The following KIF21B variants were observed in gnomAD, a reference collection of about 807,000 sequenced individuals.
The protein encoded by KIF21B is kinesin-like protein KIF21B.
Under a neutral mutation model 192.9 loss-of-function variants are expected in KIF21B, and 85 were observed. The observed-to-expected ratio is 0.44, with a 90% CI of 0.37 to 0.53. The LOEUF (loss-of-function observed/expected upper bound fraction) is 0.53, where lower values mean the gene tolerates loss of function less well. KIF21B is among the 20% of genes least tolerant of loss of function. KIF21B has a pLI of 0.00. For missense variants in KIF21B, 1,716 were observed against 2,194.8 expected, an observed-to-expected ratio of 0.78 and a Z score of 4.36; for synonymous variants, 832 against 884.6, an observed-to-expected ratio of 0.94 and a Z score of 1.05.
At position 200,982,170 on chromosome 1, in the gene KIF21B, C is replaced by T. The variant is rs1655973328; in HGVS notation, c.3842+886G>A. On this transcript the variant is annotated intron_variant, in intron 28 of 34. Coordinates refer to ENST00000461742, the MANE Select transcript of KIF21B (RefSeq NM_001252102.2). The surrounding 1 kb of genome is among the most constrained non-coding windows in gnomAD (Gnocchi z 4.7). ...GCACAAATAGCTCCCCAAGCTGCTCCAGCACCCTGCTTCTGACAATGGTTT... is the reference window on the plus strand; with the variant it reads ...GCACAAATAGCTCCCCAAGCTGCTCTAGCACCCTGCTTCTGACAATGGTTT... 6.6e-6 allele frequency among the ~76,000 whole-genome samples: 1 copy of T among 152,212 alleles called. No homozygotes were observed. Among genetic ancestry groups the T allele is most frequent in the Non-Finnish European group, 1.5e-5 (1 of 68,044 alleles).
At chr1:200,985,088 G>T in intron 26 of KIF21B, 116 bp from the exon 27 acceptor site, 1 of 605,336 alleles carries the variant, frequency 1.7e-6, no homozygotes, top group Non-Finnish European at 2.8e-6. Context: ...GGTCTGCTGT[G>T]CAGTATTCTC....
In KIF21B at chr1:201,017,969, G is replaced by A. The variant is rs1313041602; in HGVS notation, c.41+5374C>T. On this transcript the variant is annotated intron_variant, in intron 1 of 34. Transcript: ENST00000461742. This position sits in a 1 kb window ranked among gnomAD's most constrained non-coding sequence, Gnocchi z 4.1. ...CTTCACATAGGGATTGAGGTGGGTG[G>A]ATCTCTGGGGCCAAGGAAGAGCCGT... Among the ~76,000 whole-genome samples, 15 of 152,034 alleles carry A rather than the reference G, an allele frequency of 9.9e-5. No homozygotes were observed.
At position 200,987,142 on chromosome 1, in the gene KIF21B, T is replaced by TG. The variant is rs1280390175; in HGVS notation, c.3467dup (p.Leu1157ThrfsTer17). 6.2e-7 allele frequency: 1 copy of TG among 1,613,764 alleles called. No homozygotes were observed. ...TGATGTTCTTGGTGGAGATATCCAG[T>TG]GGGGGGCCCAGGCACTCAGCCGACA... On this transcript the variant is annotated frameshift_variant, in exon 25 of 35. Coordinates refer to ENST00000461742, the MANE Select transcript of KIF21B (RefSeq NM_001252102.2). LOFTEE classifies it high-confidence loss of function.
At position 200,979,602 on chromosome 1, in the gene KIF21B, A is replaced by G; in HGVS notation, c.4093T>C (p.Ser1365Pro). The part of the protein sequence containing the change: ...KYCSHSGLVF[S>P]VSTSYIKVWD... Reference sequence around the variant, plus strand: ...ACCTTGATGTAGGAGGTGGACACGGAGAACACAAGCCCCGAGTGGCTGCAG... The same window carrying G: ...ACCTTGATGTAGGAGGTGGACACGGGGAACACAAGCCCCGAGTGGCTGCAG... The change falls in exon 30 of 35, where the codon TCC becomes CCC. Residue 1365 changes from serine (S) to proline (P), a missense_variant. Around this residue, in one of 3 missense-constraint regions of KIF21B, gnomAD observed 580 missense variants for 775.5 expected, o/e 0.75. Coordinates refer to ENST00000461742, the MANE Select transcript of KIF21B (RefSeq NM_001252102.2). 1 of 1,592,464 alleles carries G rather than the reference A, an allele frequency of 6.3e-7. No homozygotes were observed. The highest frequency in any genetic ancestry group is 8.5e-7 in the Non-Finnish European group (1 of 1,169,772).
At chr1:201,003,318 A>G (rs1310148848) in intron 8 of KIF21B, 3 of 530,010 alleles carry the variant, frequency 5.7e-6, no homozygotes, top group African/African-American at 3.8e-5. Context: ...GATCTATGCA[A>G]CAAAAGCTGG....
intron 30 of KIF21B, 90 bp downstream of exon 30, chr1:200,979,445 T>C (rs1249367585): frequency 1.0e-6 from 1 of 1,003,732 alleles, no homozygotes; most frequent in Non-Finnish European, 1.4e-6. Context: ...CGGGCTGTGC[T>C]GTGCTGAGTG....
intron 14 of KIF21B, among the ~76,000 whole-genome samples, chr1:200,997,937 C>A (rs1171922744): frequency 2.6e-5 from 4 of 152,168 alleles, no homozygotes; most frequent in Non-Finnish European, 5.9e-5. Flanking sequence ...AGCACTAGAA[C>A]AATGTCTGCT....
chr1:201,003,867 T>C, intron 7 of KIF21B, 86 bp from the exon 8 acceptor site: 2 of 1,370,286 alleles, frequency 1.5e-6, no homozygotes, highest in Non-Finnish European at 2.1e-6. Context: ...CCTGCTCCCA[T>C]CCCATTCCCC....
rs748841170 is a variant in KIF21B at position 200,987,031 on chromosome 1, C to CGA, written c.3577_3578dup (p.Thr1195AlafsTer24). 2 of 1,613,934 alleles carry CGA rather than the reference C, an allele frequency of 1.2e-6. No individual in the cohort carries two copies. The highest frequency in any genetic ancestry group is 1.7e-6 in the Non-Finnish European group (2 of 1,180,026). On this transcript the variant is annotated frameshift_variant, in exon 25 of 35. Transcript: ENST00000461742. LOFTEE classifies it high-confidence loss of function. ...CCCGGGTAGGCAGACTGACGGTGCG[C>CGA]GAGACCCTGTCCCGGTAATAGGGGT...
At chr1:200,992,520 T>TG (rs1451646770) in intron 15 of KIF21B, 131 bp from the exon 16 acceptor site, 1 of 920,094 alleles carries the variant, frequency 1.1e-6, no homozygotes, top group Non-Finnish European at 1.7e-6. Flanking sequence ...GCTCAGGGCC[T>TG]GGGGGTCTGA....
intron 1 of KIF21B, among the ~76,000 whole-genome samples, chr1:201,020,033 T>TC (rs917270855): frequency 2.2e-4 from 33 of 151,828 alleles, no homozygotes; most frequent in Admixed American, 2.0e-4. Flanking sequence ...GTCCCTTGGA[T>TC]CCCCCCCAAA....
At chr1:201,007,657 C>A (rs111162566) in intron 3 of KIF21B, among the ~76,000 whole-genome samples, 51 of 149,820 alleles carry the variant, frequency 3.4e-4, no homozygotes, top group African/African-American at 1.3e-3. Flanking sequence ...CACACAGACG[C>A]GCACACAGAG....
At chr1:200,994,813 G>A (rs1395687581) in intron 15 of KIF21B, among the ~76,000 whole-genome samples, 2 of 152,220 alleles carry the variant, frequency 1.3e-5, no homozygotes, top group Non-Finnish European at 2.9e-5. Flanking sequence ...TGGGAGTGCT[G>A]CTCCACCCCA....
intron 1 of KIF21B, among the ~76,000 whole-genome samples, chr1:201,021,371 C>G (rs560477882): frequency 4.3e-4 from 66 of 152,334 alleles, no homozygotes; most frequent in African/African-American, 1.6e-3. Context: ...CTTACCTTCC[C>G]GGAGACCCTG....
At chr1:201,004,737 C>G (rs1657703330) in intron 6 of KIF21B, 29 bp downstream of exon 6, 1 of 1,613,606 alleles carries the variant, frequency 6.2e-7, no homozygotes, top group Admixed American at 1.7e-5. Context: ...TGTGTGGGTG[C>G]TGGGGCTGAT....
intron 1 of KIF21B, among the ~76,000 whole-genome samples, chr1:201,012,882 G>A (rs1219269669): frequency 6.6e-6 from 1 of 152,114 alleles, no homozygotes; most frequent in African/African-American, 2.4e-5. Context: ...GAGCTCAAGC[G>A]ATTCTCCCAC....
rs200403471 is a variant in KIF21B, at chr1:200,998,373, G to A, written c.2077+11C>T. On this transcript the variant is annotated intron_variant, in intron 14 of 34. Transcript: ENST00000461742. This position sits in a 1 kb window ranked among gnomAD's most constrained non-coding sequence, Gnocchi z 4.3. ...TCCGGATGGGGTGGAGGGGCATGGC[G>A]GTGGCCTCACTGAGGTTCTGCAGCA... 63 of 1,605,590 alleles carry A rather than the reference G, an allele frequency of 3.9e-5. No homozygotes were observed. The African/African-American group carries it at 5.6e-4, about 14-fold the overall frequency.
rs1395090126 is a variant in KIF21B, at chr1:200,982,685, C to A, written c.3842+371G>T. 1.3e-5 allele frequency among the ~76,000 whole-genome samples: 2 copies of A among 152,190 alleles called. No homozygotes were observed. The highest frequency in any genetic ancestry group is 2.4e-5 in the African/African-American group (1 of 41,438). On this transcript the variant is annotated intron_variant, in intron 28 of 34. Transcript: ENST00000461742. The surrounding 1 kb of genome is among the most constrained non-coding windows in gnomAD (Gnocchi z 4.7). ...CCACCGGCACCCCCAAAAGGAGCAG[C>A]CTTCAGCATTTCCCCTGCCTTCCAG...
rs567827474 is a variant in KIF21B, at chr1:200,999,248, G to T, written c.1885+101C>A. 2 of 1,405,232 alleles carry T rather than the reference G, an allele frequency of 1.4e-6. No individual in the cohort carries two copies. The highest frequency in any genetic ancestry group is 3.4e-5 in the Admixed American group (2 of 59,430). 87.0% of individuals were successfully genotyped at this position (1,405,232 alleles called of 1,614,324 possible). ...ATTGGTTTCACGTCTGGGAGTGCTG[G>T]GGCCTGGACACCATTATCTTTGAGC... On this transcript the variant is annotated intron_variant, in intron 13 of 34. Transcript: ENST00000461742. This position sits in a 1 kb window ranked among gnomAD's most constrained non-coding sequence, Gnocchi z 4.7.
Sources: gnomAD v4.1 joint callset for allele counts (sites outside exome capture counted in the v4.1 genomes callset) on GRCh38, gnomAD v4.1.1 for gene constraint, gnomAD v4.1.1 regional missense constraint, Gnocchi (gnomAD v3.1) non-coding constraint, MANE v1.5 for transcripts, NCBI Gene and HGNC (gene_info 2026-07-23, HGNC 2026-07-21) for gene names.